Variants in UBE2W observed in about 807,000 individuals in gnomAD.
The protein encoded by UBE2W is ubiquitin-conjugating enzyme E2 W.
Under a neutral mutation model 27.2 loss-of-function variants are expected in UBE2W, and 18 were observed. The observed-to-expected ratio is 0.66, with a 90% CI of 0.46 to 0.98. UBE2W has a LOEUF of 0.98. Ranked by LOEUF, UBE2W falls within the 50% of genes least tolerant of loss-of-function variation. The pLI is 0.00. For synonymous variants in UBE2W, 53 were observed against 57.2 expected, an observed-to-expected ratio of 0.93 and a Z score of 0.33; for missense variants, 90 against 180.2, an observed-to-expected ratio of 0.50 and a Z score of 2.87.
chr8:73,796,900 A>T (rs956945643), intron 5 of UBE2W, among the ~76,000 whole-genome samples: 1 of 1,718 alleles, frequency 5.8e-4, no homozygotes, highest in African/African-American at 6.0e-3. Context: ...AATAAATAAA[A>T]AATAAAAAAA....
intron 1 of UBE2W, among the ~76,000 whole-genome samples, chr8:73,840,844 T>C (rs1810508508): frequency 6.6e-6 from 1 of 152,188 alleles, no homozygotes; most frequent in Non-Finnish European, 1.5e-5. Flanking sequence ...TACTGTACTA[T>C]ATGATATATT....
chr8:73,795,571 C>T (rs1808377575), intron 5 of UBE2W, among the ~76,000 whole-genome samples: 2 of 152,138 alleles, frequency 1.3e-5, no homozygotes, highest in African/African-American at 4.8e-5. Flanking sequence ...GATTAATACA[C>T]TATCTCATGT....
intron 1 of UBE2W, among the ~76,000 whole-genome samples, chr8:73,876,038 C>T (rs983436792): frequency 6.6e-6 from 1 of 151,966 alleles, no homozygotes; most frequent in Non-Finnish European, 1.5e-5. Flanking sequence ...AGCAACACAG[C>T]GAGACTCCAT....
rs1193849870 is a variant in UBE2W at position 73,788,234 on chromosome 8, G to T, written c.*5868C>A. On this transcript the variant is annotated 3_prime_UTR_variant, in exon 6 of 6. Coordinates refer to ENST00000602593, the MANE Select transcript of UBE2W (RefSeq NM_018299.6). ...CATGTATTAAAAAATATATAACATA[G>T]ATTTGTCTGTTTTAACATTTATATT... 3 of 943,434 alleles carry T rather than the reference G, an allele frequency of 3.2e-6. No individual in the cohort carries two copies. The highest frequency in any genetic ancestry group is 3.8e-6 in the Non-Finnish European group (3 of 792,032). 58.4% of individuals were successfully genotyped at this position (943,434 alleles called of 1,614,324 possible).
At chr8:73,818,805 C>T (rs1012299074) in intron 3 of UBE2W, among the ~76,000 whole-genome samples, 2 of 152,332 alleles carry the variant, frequency 1.3e-5, no homozygotes, top group South Asian at 4.1e-4. Flanking sequence ...CCCACTCTCG[C>T]CATGTGAGAC....
chr8:73,783,561 T>A (rs911691568), downstream of UBE2W, among the ~76,000 whole-genome samples: 1 of 152,180 alleles, frequency 6.6e-6, no homozygotes, highest in African/African-American at 2.4e-5. Flanking sequence ...CAGTAGTTCA[T>A]ATTATAATCA....
intron 5 of UBE2W, among the ~76,000 whole-genome samples, chr8:73,801,339 A>C (rs1362057393): frequency 6.6e-6 from 1 of 152,166 alleles, no homozygotes; most frequent in Non-Finnish European, 1.5e-5. Context: ...TAAATAAGGA[A>C]AAAATAGGAA....
chr8:73,805,838 T>C (rs569523102), intron 4 of UBE2W, 112 bp from the exon 5 acceptor site: 2 of 543,176 alleles, frequency 3.7e-6, no homozygotes, highest in Admixed American at 6.5e-5. Context: ...AATATAAACA[T>C]GAATAGTATA....
At chr8:73,861,485 A>AT (rs1293522134) in intron 1 of UBE2W, among the ~76,000 whole-genome samples, 2 of 152,054 alleles carry the variant, frequency 1.3e-5, no homozygotes, top group Non-Finnish European at 2.9e-5. Flanking sequence ...TTCTGTTGTT[A>AT]TTTTTTGTAG....
At chr8:73,806,580 G>A (rs1026545538) in intron 4 of UBE2W, among the ~76,000 whole-genome samples, 5 of 151,268 alleles carry the variant, frequency 3.3e-5, no homozygotes, top group Non-Finnish European at 7.4e-5. Context: ...GCGTGTTGGC[G>A]GGCGCCTGTA....
chr8:73,798,856 A>G (rs186760524), intron 5 of UBE2W, among the ~76,000 whole-genome samples: 1 of 152,322 alleles, frequency 6.6e-6, no homozygotes, highest in East Asian at 1.9e-4. Flanking sequence ...GCACTGAATC[A>G]TAAGAAAATT....
chr8:73,859,263 T>C (rs926703478), intron 1 of UBE2W, among the ~76,000 whole-genome samples: 2 of 152,144 alleles, frequency 1.3e-5, no homozygotes, highest in African/African-American at 2.4e-5. Flanking sequence ...CCCAGCACTT[T>C]GGGAGGCTGA....
chr8:73,867,687 G>A (rs1482266199), intron 1 of UBE2W, among the ~76,000 whole-genome samples: 1 of 148,810 alleles, frequency 6.7e-6, no homozygotes, highest in Non-Finnish European at 1.5e-5. Flanking sequence ...ACTCCAGCGT[G>A]AGTGACGGAG....
intron 1 of UBE2W, among the ~76,000 whole-genome samples, chr8:73,866,284 AAAAAAAATATAT>A (rs1215154540): frequency 1.0e-5 from 1 of 95,330 alleles, no homozygotes; most frequent in Non-Finnish European, 2.1e-5. Context: ...AAAAAAAAAA[AAAAAAAATATAT>A]ATATATATAT....
intron 3 of UBE2W, among the ~76,000 whole-genome samples, chr8:73,820,419 G>T (rs1476491357): frequency 6.6e-6 from 1 of 152,028 alleles, no homozygotes; most frequent in African/African-American, 2.4e-5. Flanking sequence ...CAACCTCTAT[G>T]CCATGTGAGG....
intron 1 of UBE2W, among the ~76,000 whole-genome samples, chr8:73,875,821 G>A (rs1411009815): frequency 3.3e-5 from 5 of 152,180 alleles, no homozygotes; most frequent in Non-Finnish European, 5.9e-5. Context: ...AGGCCGAGGC[G>A]AGTGGATCGC....
chr8:73,831,569 G>A (rs181500784), intron 1 of UBE2W: 1 of 152,446 alleles, frequency 6.6e-6, no homozygotes, highest in Non-Finnish European at 1.5e-5. Context: ...TTTTTTAAGA[G>A]ACAGGGCCTC....
At chr8:73,851,150 G>A (rs371469102) in intron 1 of UBE2W, among the ~76,000 whole-genome samples, 164 of 151,322 alleles carry the variant, frequency 1.1e-3, no homozygotes, top group African/African-American at 3.5e-3. Flanking sequence ...CATGCCCAGC[G>A]TCACCTATGA....
At chr8:73,854,529 T>C (rs1032941630) in intron 1 of UBE2W, among the ~76,000 whole-genome samples, 1 of 152,226 alleles carries the variant, frequency 6.6e-6, no homozygotes, top group Non-Finnish European at 1.5e-5. Flanking sequence ...AGAAAAGATG[T>C]ACTGCATTGT....
Sources: gnomAD v4.1 joint callset for allele counts (sites outside exome capture counted in the v4.1 genomes callset) on GRCh38, gnomAD v4.1.1 for gene constraint, MANE v1.5 for transcripts, NCBI Gene and HGNC (gene_info 2026-07-23, HGNC 2026-07-21) for gene names.